Variants in CREB5 observed in about 807,000 individuals in gnomAD.
CREB5 encodes the protein cAMP responsive element binding protein 5.
Under a neutral mutation model 57.1 loss-of-function variants are expected in CREB5, and 19 were observed. The observed-to-expected ratio is 0.33, with a 90% confidence interval of 0.23 to 0.49. CREB5 has a LOEUF of 0.49. Among genes scored for constraint, CREB5 ranks in the 20% least tolerant of loss-of-function variants. CREB5 has a pLI of 0.99. For missense variants in CREB5, 579 were observed against 671.6 expected (o/e 0.86, Z 1.52); for synonymous variants, 238 against 238.3 (o/e 1.00, Z 0.01).
intron 5 of CREB5, among the ~76,000 whole-genome samples, chr7:28,643,486 C>T (rs1488965837): frequency 1.3e-5 from 2 of 152,148 alleles, no homozygotes; most frequent in African/African-American, 4.8e-5. Context: ...TCACCCTCCC[C>T]CACCTTACAC....
At chr7:28,699,812 A>T (rs796321520) in intron 5 of CREB5, among the ~76,000 whole-genome samples, 5 of 152,228 alleles carry the variant, frequency 3.3e-5, no homozygotes, top group African/African-American at 1.2e-4. Flanking sequence ...GCTCTGAAAA[A>T]TACCGAGTCC....
At chr7:28,309,172 G>A (rs971023391) in intron 1 of CREB5, among the ~76,000 whole-genome samples, 1 of 152,096 alleles carries the variant, frequency 6.6e-6, no homozygotes, top group Non-Finnish European at 1.5e-5. Context: ...TTTTGGACTT[G>A]CCAGCCTCCA....
chr7:28,487,190 T>C (rs191751046), intron 1 of CREB5, among the ~76,000 whole-genome samples: 8 of 152,184 alleles, frequency 5.3e-5, no homozygotes, highest in African/African-American at 1.7e-4. Context: ...CTAATTTTTG[T>C]ATTTTGGGTA....
rs774552213 is a variant in CREB5 at position 28,718,757 on chromosome 7, G to T, written c.469G>T (p.Val157Phe). The T allele has an allele frequency of 1.1e-5, 17 of 1,613,848 alleles. No individual in the cohort carries two copies. The highest frequency in any genetic ancestry group is 1.4e-5 in the Non-Finnish European group (17 of 1,179,904). ...TTGTTTTTTTCTTTGTCCCAGGCCT[G>T]TCCCAGGCTCTCTATCTTCTCTGCT... ...APSTNRQIGPVPGSLSSLLHL... is the reference protein window; with the variant it reads ...APSTNRQIGPFPGSLSSLLHL... Residue 157 changes from valine to phenylalanine, a missense_variant, in exon 6 of 11, where the codon GTC becomes TTC. Val to Phe is a conservative substitution (Grantham distance 50, BLOSUM62 -1). Around this residue, in one of 3 missense-constraint regions of CREB5, gnomAD observed 459 missense variants for 515.7 expected, o/e 0.89. Transcript: ENST00000357727.
At chr7:28,632,272 C>T (rs1261131695) in intron 5 of CREB5, among the ~76,000 whole-genome samples, 1 of 152,164 alleles carries the variant, frequency 6.6e-6, no homozygotes, top group Non-Finnish European at 1.5e-5. Flanking sequence ...ACAGAACTTC[C>T]TCCCTCTCTC....
intron 4 of CREB5, among the ~76,000 whole-genome samples, chr7:28,556,628 A>G (rs1675571141): frequency 6.6e-6 from 1 of 152,176 alleles, no homozygotes; most frequent in South Asian, 2.1e-4. Context: ...GATAAAATAA[A>G]AATAACCTAA....
intron 1 of CREB5, among the ~76,000 whole-genome samples, chr7:28,478,422 T>G (rs1413573813): frequency 6.6e-6 from 1 of 151,874 alleles, no homozygotes; most frequent in African/African-American, 2.4e-5. Context: ...TGTATATGTG[T>G]GTGTATTTTT....
chr7:28,312,043 A>G (rs1363326082), intron 1 of CREB5, among the ~76,000 whole-genome samples: 1 of 152,146 alleles, frequency 6.6e-6, no homozygotes, highest in Non-Finnish European at 1.5e-5. Context: ...TACCTCATGT[A>G]AAGACCGTTT....
chr7:28,367,674 A>C (rs1786615930), intron 1 of CREB5, among the ~76,000 whole-genome samples: 1 of 152,034 alleles, frequency 6.6e-6, no homozygotes, highest in Non-Finnish European at 1.5e-5. Flanking sequence ...CAGGCGTGGC[A>C]GCGCATGCCT....
intron 1 of CREB5, among the ~76,000 whole-genome samples, chr7:28,474,136 A>T (rs534913267): frequency 1.6e-4 from 25 of 152,118 alleles, no homozygotes; most frequent in African/African-American, 6.0e-4. Flanking sequence ...CTCTGTGGAG[A>T]GGGGAAGTTT....
intron 7 of CREB5, among the ~76,000 whole-genome samples, chr7:28,769,514 T>C (rs1209488163): frequency 6.6e-6 from 1 of 152,188 alleles, no homozygotes; most frequent in African/African-American, 2.4e-5. Context: ...AAATATAAAT[T>C]AATTTAATGA....
chr7:28,757,444 G>A (rs1189106088), intron 7 of CREB5, among the ~76,000 whole-genome samples: 10 of 152,070 alleles, frequency 6.6e-5, no homozygotes, highest in Admixed American at 5.2e-4. Flanking sequence ...AGGCTGAGGC[G>A]GGCAGATCAC....
chr7:28,453,163 C>A (rs1189495975), intron 1 of CREB5, among the ~76,000 whole-genome samples: 11 of 152,148 alleles, frequency 7.2e-5, no homozygotes, highest in Admixed American at 7.2e-4. Flanking sequence ...ATTGGCCGGG[C>A]GTGGTGGCTT....
At position 28,417,981 on chromosome 7, in the gene CREB5, G is replaced by A. The variant is rs142372608; in HGVS notation, c.3+5064G>A. ...TAGGATTTGATTTACATGTAACCTCGTAGAAACCCTCTGTTTCGGAAAAGG... is the reference window on the plus strand; with the variant it reads ...TAGGATTTGATTTACATGTAACCTCATAGAAACCCTCTGTTTCGGAAAAGG... On this transcript the variant is annotated intron_variant, in intron 1 of 10. Transcript: ENST00000357727. Among the ~76,000 whole-genome samples, 686 of 152,166 alleles carry A rather than the reference G, an allele frequency of 4.5e-3. 3 individuals carry two copies. The highest frequency in any genetic ancestry group is 0.016 in the African/African-American group (653 of 41,516).
In CREB5 at chr7:28,419,112, T is replaced by C. The variant is rs77276653; in HGVS notation, c.3+6195T>C. 6.8e-4 allele frequency among the ~76,000 whole-genome samples: 103 copies of C among 152,312 alleles called. 3 individuals carry two copies. The East Asian group carries it at 0.016, about 24-fold the overall frequency. ...CATGGAGACATCTGTTGCAAACCTG[T>C]GTGTTTGGTAGTATCCAGGGAAACT... On this transcript the variant is annotated intron_variant, in intron 1 of 10. Coordinates refer to ENST00000357727, the MANE Select transcript of CREB5 (RefSeq NM_182898.4).
rs367951696 is a variant in CREB5, at chr7:28,520,135, G to T, written c.291+12398G>T. Among the ~76,000 whole-genome samples, 20 of 152,292 alleles carry T rather than the reference G, an allele frequency of 1.3e-4. No homozygotes were observed. The South Asian group carries it at 4.1e-3, about 32-fold the overall frequency. ...TGGTATGGGTTCAGCTCATCCGCCT[G>T]GATTACTGGCTTTTCATCAAAGGCT... On this transcript the variant is annotated intron_variant, in intron 4 of 10. Transcript: ENST00000357727.
At chr7:28,562,157 A>C (rs868111397) in intron 4 of CREB5, among the ~76,000 whole-genome samples, 1 of 152,222 alleles carries the variant, frequency 6.6e-6, no homozygotes, top group Non-Finnish European at 1.5e-5. Flanking sequence ...AATAAAGTAG[A>C]GCTATTTCTC....
chr7:28,358,597 C>A (rs542706408), intron 1 of CREB5, among the ~76,000 whole-genome samples: 1 of 152,176 alleles, frequency 6.6e-6, no homozygotes, highest in Admixed American at 6.5e-5. Flanking sequence ...TTTTAAGTCA[C>A]GAACATCCCA....
At chr7:28,571,198 AGAAT>A (rs1418335253) in intron 5 of CREB5, among the ~76,000 whole-genome samples, 3 of 152,186 alleles carry the variant, frequency 2.0e-5, no homozygotes, top group Non-Finnish European at 4.4e-5. Context: ...CATGCTACTC[AGAAT>A]GGTGAGCAGT....
Sources: gnomAD v4.1 joint callset for allele counts (sites outside exome capture counted in the v4.1 genomes callset) on GRCh38, gnomAD v4.1.1 for gene constraint, gnomAD v4.1.1 regional missense constraint, MANE v1.5 for transcripts, NCBI Gene and HGNC (gene_info 2026-07-23, HGNC 2026-07-21) for gene names.